The following RSBN1 variants were observed in gnomAD, a reference collection of about 807,000 sequenced individuals.
The protein encoded by RSBN1 is lysine-specific demethylase 9.
A neutral mutation model predicts 74.8 loss-of-function variants in RSBN1; 23 were observed. The ratio of observed to expected loss-of-function variants is 0.31; its 90% confidence interval spans 0.22 to 0.44. The LOEUF is 0.44. RSBN1 is among the 20% of genes least tolerant of loss of function. RSBN1 has a pLI of 1.00. For synonymous variants in RSBN1, 407 were observed against 379.6 expected (o/e 1.07, Z -0.84); for missense variants, 808 against 1,020.9 (o/e 0.79, Z 2.84).
chr1:113,765,804 C>CTT lies in RSBN1; in HGVS notation c.*174_*175dup. Reference sequence around the variant, plus strand: ...TGTACTAACGGGATAAGATACAACTCTTAACTTTGCATAATCTGTGTAAAA... The same window carrying CTT: ...TGTACTAACGGGATAAGATACAACTCTTTTAACTTTGCATAATCTGTGTAAAA... On this transcript the variant is annotated 3_prime_UTR_variant, in exon 7 of 7. Transcript: ENST00000261441. 3.3e-6 allele frequency: 2 copies of CTT among 606,494 alleles called. No homozygotes were observed. The highest frequency in any genetic ancestry group is 5.8e-6 in the Non-Finnish European group (2 of 346,314). 37.6% of individuals were successfully genotyped at this position (606,494 alleles called of 1,614,324 possible).
intron 2 of RSBN1, among the ~76,000 whole-genome samples, chr1:113,792,436 C>G (rs1163948104): frequency 6.6e-6 from 1 of 152,154 alleles, no homozygotes. Context: ...AAAGCTAGTG[C>G]TCACACCTGT....
At chr1:113,802,250 C>A (rs1030026532) in intron 1 of RSBN1, among the ~76,000 whole-genome samples, 1 of 151,772 alleles carries the variant, frequency 6.6e-6, no homozygotes, top group African/African-American at 2.4e-5. Context: ...GCCACCATGC[C>A]CGGCCTACAA....
intron 1 of RSBN1, among the ~76,000 whole-genome samples, chr1:113,803,145 T>A (rs966577670): frequency 6.6e-6 from 1 of 152,218 alleles, no homozygotes; most frequent in Non-Finnish European, 1.5e-5. Flanking sequence ...GTAATATGCA[T>A]TTAAGGTTCC....
In RSBN1 at chr1:113,811,921, G is replaced by A. The variant is rs1336254565; in HGVS notation, c.492C>T (p.Ala164=). Residue 164 remains alanine, a synonymous_variant, in exon 1 of 7, where the codon GCC becomes GCT. Coordinates refer to ENST00000261441, the MANE Select transcript of RSBN1 (RefSeq NM_018364.5). ...AGGTGAAGAGGGCCGAGGTGCTTGG[G>A]GCCGGGAGAGGGGCAGCGACAGCGG... ...AGPAVAAPLP[A]PSTSALFTFS... 8.7e-6 allele frequency: 14 copies of A among 1,604,562 alleles called. No individual in the cohort carries two copies. Among genetic ancestry groups the A allele is most frequent in the Non-Finnish European group, 1.2e-5 (14 of 1,175,086 alleles).
intron 1 of RSBN1, among the ~76,000 whole-genome samples, chr1:113,798,290 T>C (rs1324255291): frequency 6.6e-6 from 1 of 152,114 alleles, no homozygotes; most frequent in East Asian, 1.9e-4. Flanking sequence ...TCAGAAATAA[T>C]TCACACATCC....
chr1:113,787,906 T>C (rs6684068), intron 2 of RSBN1, among the ~76,000 whole-genome samples: 72 of 152,292 alleles, frequency 4.7e-4, no homozygotes, highest in African/African-American at 1.7e-3. Flanking sequence ...TAACGACTCA[T>C]GTTTCAATAT....
intron 1 of RSBN1, among the ~76,000 whole-genome samples, chr1:113,798,487 G>C (rs1365927362): frequency 6.6e-6 from 1 of 152,058 alleles, no homozygotes; most frequent in Non-Finnish European, 1.5e-5. Context: ...GATACATACA[G>C]GTAAATCAAC....
chr1:113,812,058 G>T lies in RSBN1; in HGVS notation c.355C>A (p.Arg119Ser), dbSNP rs1660873444. Residue 119 changes from arginine (R) to serine (S), a missense_variant, in exon 1 of 7, where the codon CGC (arginine) becomes AGC (serine). Arg to Ser is a moderately radical substitution (Grantham distance 110, BLOSUM62 -1). Coordinates refer to ENST00000261441, the MANE Select transcript of RSBN1 (RefSeq NM_018364.5). ...GGCGGCAGCGGCCCAGGATGTTGGC[G>T]GCTGCGACGCCGCCGGTGAGGGGGA... is the stretch of plus-strand genomic sequence containing the variant. The part of the protein sequence containing the change: ...LAPPHRRRRS[R>S]QHPGPLPPTN... The T allele has an allele frequency of 6.5e-7, 1 of 1,550,008 alleles. No individual in the cohort carries two copies. The highest frequency in any genetic ancestry group is 2.3e-5 in the East Asian group (1 of 43,288).
chr1:113,776,158 C>T lies in RSBN1; in HGVS notation c.1658+1052G>A, dbSNP rs186821548. Among the ~76,000 whole-genome samples the T allele has an allele frequency of 5.2e-3, 796 of 152,270 alleles. 2 individuals carry two copies. Among genetic ancestry groups the T allele is most frequent in the Non-Finnish European group, 8.6e-3 (583 of 68,024 alleles). ...ACAATATGAATTACTGAGGCTCGGT[C>T]CTATAGAACATTATTGGTTTCATGT... is the stretch of plus-strand genomic sequence containing the variant. On this transcript the variant is annotated intron_variant, in intron 4 of 6. Transcript: ENST00000261441.
chr1:113,802,736 G>A (rs1660610658), intron 1 of RSBN1, among the ~76,000 whole-genome samples: 1 of 150,182 alleles, frequency 6.7e-6, no homozygotes, highest in South Asian at 2.1e-4. Context: ...CAGGTTCCTA[G>A]AACTATAACC....
chr1:113,777,139 CTG>C, intron 4 of RSBN1, 69 bp downstream of exon 4: 1 of 1,413,752 alleles, frequency 7.1e-7, no homozygotes, highest in South Asian at 1.4e-5. Flanking sequence ...GGTTTTCAAA[CTG>C]TGCTCATTTT....
chr1:113,808,791 G>A (rs755787572), intron 1 of RSBN1, among the ~76,000 whole-genome samples: 3 of 152,196 alleles, frequency 2.0e-5, no homozygotes, highest in Non-Finnish European at 4.4e-5. Flanking sequence ...AGAGGACAGG[G>A]ACAGTAGAGA....
intron 2 of RSBN1, among the ~76,000 whole-genome samples, chr1:113,779,367 A>T (rs1660091992): frequency 6.6e-6 from 1 of 152,156 alleles, no homozygotes. Context: ...ATATACACAG[A>T]AAAAAAGGCT....
chr1:113,798,139 T>C, intron 1 of RSBN1, 103 bp from the exon 2 acceptor site: 1 of 990,198 alleles, frequency 1.0e-6, no homozygotes, highest in Non-Finnish European at 1.5e-6. Context: ...TCAATTTCTC[T>C]GAATTTGCTA....
intron 4 of RSBN1, among the ~76,000 whole-genome samples, chr1:113,770,560 A>G (rs543862159): frequency 4.9e-4 from 74 of 152,312 alleles, no homozygotes; most frequent in African/African-American, 1.6e-3. Context: ...ATTGCCACAA[A>G]AATAGAACAT....
chr1:113,799,136 A>AAAT (rs1172585422), intron 1 of RSBN1, among the ~76,000 whole-genome samples: 1 of 152,212 alleles, frequency 6.6e-6, no homozygotes, highest in Non-Finnish European at 1.5e-5. Flanking sequence ...ATAAACATTA[A>AAAT]TTCATCCAAA....
chr1:113,793,714 C>T (rs1017594142), intron 2 of RSBN1, among the ~76,000 whole-genome samples: 12 of 150,648 alleles, frequency 8.0e-5, no homozygotes, highest in Admixed American at 4.0e-4. Context: ...TTGAGACTTG[C>T]TCTGTCGCCC....
At chr1:113,785,296 G>A (rs1660219068) in intron 2 of RSBN1, among the ~76,000 whole-genome samples, 1 of 152,118 alleles carries the variant, frequency 6.6e-6, no homozygotes, top group African/African-American at 2.4e-5. Flanking sequence ...GCTATCATCT[G>A]CTATGATAAC....
rs192249947 is a variant in RSBN1 at position 113,805,168 on chromosome 1, T to C, written c.703+6542A>G. ...TCTGACTCTGTCGACCAGGCTGGAATGCAAGTGGCGCAATCTCAGCTCAGT... is the reference window on the plus strand; with the variant it reads ...TCTGACTCTGTCGACCAGGCTGGAACGCAAGTGGCGCAATCTCAGCTCAGT... On this transcript the variant is annotated intron_variant, in intron 1 of 6. Coordinates refer to ENST00000261441, the MANE Select transcript of RSBN1 (RefSeq NM_018364.5). Among the ~76,000 whole-genome samples, 350 of 152,144 alleles carry C rather than the reference T, an allele frequency of 2.3e-3. 4 individuals carry two copies. The highest frequency in any genetic ancestry group is 8.0e-3 in the African/African-American group (332 of 41,496).
Sources: gnomAD v4.1 joint callset for allele counts (sites outside exome capture counted in the v4.1 genomes callset) on GRCh38, gnomAD v4.1.1 for gene constraint, MANE v1.5 for transcripts, NCBI Gene and HGNC (gene_info 2026-07-23, HGNC 2026-07-21) for gene names.